GALNTL6: variants seen among roughly 807,000 people sequenced by gnomAD.
GALNTL6 encodes the protein polypeptide N-acetylgalactosaminyltransferase-like 6.
Under a neutral mutation model 73.7 loss-of-function variants are expected in GALNTL6, and 46 were observed. The ratio of observed to expected loss-of-function variants is 0.62; its 90% CI spans 0.49 to 0.80. The LOEUF is 0.80. Ranked by LOEUF, GALNTL6 falls within the 30% of genes least tolerant of loss-of-function variation. The probability of loss-of-function intolerance (pLI) is 0.00; values close to 1 mark genes in which losing one functional copy is unlikely to be tolerated. For missense variants in GALNTL6, 604 were observed against 755.0 expected, an observed-to-expected ratio of 0.80 and a Z score of 2.34; for synonymous variants, 259 against 263.7, an observed-to-expected ratio of 0.98 and a Z score of 0.17.
chr4:171,899,261 T>C (rs1737011206), intron 2 of GALNTL6, among the ~76,000 whole-genome samples: 1 of 152,088 alleles, frequency 6.6e-6, no homozygotes, highest in African/African-American at 2.4e-5. Flanking sequence ...CCCAAGGTGG[T>C]TACCCCTAAT....
intron 10 of GALNTL6, among the ~76,000 whole-genome samples, chr4:172,962,302 G>C (rs1469519005): frequency 6.6e-6 from 1 of 152,218 alleles, no homozygotes; most frequent in Non-Finnish European, 1.5e-5. Context: ...CTTTGGCTCA[G>C]AGGCCTGACA....
intron 5 of GALNTL6, among the ~76,000 whole-genome samples, chr4:172,683,264 G>C (rs995506998): frequency 3.3e-5 from 5 of 152,146 alleles, no homozygotes; most frequent in African/African-American, 7.2e-5. Flanking sequence ...GTAGTCAGTG[G>C]TCATAGAACA....
At chr4:172,599,407 A>C (rs1475624394) in intron 5 of GALNTL6, among the ~76,000 whole-genome samples, 1 of 152,146 alleles carries the variant, frequency 6.6e-6, no homozygotes, top group African/African-American at 2.4e-5. Context: ...AAACGACTTG[A>C]TTGGTCTAAC....
chr4:172,921,615 G>A (rs894400810), intron 8 of GALNTL6, among the ~76,000 whole-genome samples: 5 of 152,030 alleles, frequency 3.3e-5, no homozygotes, highest in Admixed American at 1.3e-4. Flanking sequence ...AGCCAACATG[G>A]TGAAACCTGT....
intron 5 of GALNTL6, among the ~76,000 whole-genome samples, chr4:172,648,663 T>C (rs1740348060): frequency 6.6e-6 from 1 of 152,166 alleles, no homozygotes; most frequent in African/African-American, 2.4e-5. Flanking sequence ...TGCTGAGTCA[T>C]CAGGAAGCCA....
At chr4:172,064,653 C>T (rs1731304842) in intron 2 of GALNTL6, among the ~76,000 whole-genome samples, 1 of 152,046 alleles carries the variant, frequency 6.6e-6, no homozygotes, top group East Asian at 1.9e-4. Flanking sequence ...ATGGGATTGC[C>T]CCCTCCTTGT....
In GALNTL6 at chr4:172,864,544, T is replaced by C. The variant is rs530047393; in HGVS notation, c.924-18246T>C. ...TTTTCATGTGGGTCCATTCTGCTTATATAACAGTTTGCTGTTTCCCTTGGA... is the reference window on the plus strand; with the variant it reads ...TTTTCATGTGGGTCCATTCTGCTTACATAACAGTTTGCTGTTTCCCTTGGA... On this transcript the variant is annotated intron_variant, in intron 7 of 12. Coordinates refer to ENST00000506823, the MANE Select transcript of GALNTL6 (RefSeq NM_001034845.3). 4.1e-4 allele frequency among the ~76,000 whole-genome samples: 62 copies of C among 152,364 alleles called. 1 individual carries two copies. The highest frequency in any genetic ancestry group is 1.4e-3 in the African/African-American group (58 of 41,590).
intron 4 of GALNTL6, among the ~76,000 whole-genome samples, chr4:172,314,732 C>T (rs1307074536): frequency 6.6e-6 from 1 of 151,130 alleles, no homozygotes; most frequent in African/African-American, 2.4e-5. Flanking sequence ...CTCAGCCTCC[C>T]GAGTAGCTGA....
intron 2 of GALNTL6, among the ~76,000 whole-genome samples, chr4:172,093,404 A>C (rs1732261835): frequency 6.6e-6 from 1 of 152,148 alleles, no homozygotes; most frequent in African/African-American, 2.4e-5. Context: ...TTTAACAAAA[A>C]CCACATCCTC....
chr4:172,296,364 G>A (rs866808458), intron 3 of GALNTL6, among the ~76,000 whole-genome samples: 1 of 151,876 alleles, frequency 6.6e-6, no homozygotes, highest in Non-Finnish European at 1.5e-5. Flanking sequence ...GATTCAATTT[G>A]CTGATTTTTT....
chr4:172,842,392 T>C (rs1056077900), intron 7 of GALNTL6, among the ~76,000 whole-genome samples: 7 of 152,168 alleles, frequency 4.6e-5, no homozygotes, highest in African/African-American at 1.7e-4. Context: ...TTAAACAGAA[T>C]TATTCTCTGT....
At chr4:172,579,836 G>T (rs1026058910) in intron 5 of GALNTL6, among the ~76,000 whole-genome samples, 1 of 78,830 alleles carries the variant, frequency 1.3e-5, no homozygotes, top group Non-Finnish European at 3.4e-5. Context: ...GAAGGAAGGA[G>T]GGAAGGAAGG....
chr4:172,631,570 A>C (rs1739398234), intron 5 of GALNTL6, among the ~76,000 whole-genome samples: 1 of 152,220 alleles, frequency 6.6e-6, no homozygotes, highest in South Asian at 2.1e-4. Flanking sequence ...ACTCGATCTC[A>C]TAGTTCTATT....
At chr4:172,677,885 T>C (rs1405760620) in intron 5 of GALNTL6, among the ~76,000 whole-genome samples, 1 of 151,234 alleles carries the variant, frequency 6.6e-6, no homozygotes, top group Admixed American at 6.6e-5. Context: ...AAAAAAAAAA[T>C]TCCGAAGCAG....
intron 2 of GALNTL6, among the ~76,000 whole-genome samples, chr4:171,875,611 T>A (rs1258894935): frequency 6.6e-6 from 1 of 152,050 alleles, no homozygotes; most frequent in African/African-American, 2.4e-5. Context: ...TTCTTATGTA[T>A]CTCTTAGAAT....
intron 10 of GALNTL6, among the ~76,000 whole-genome samples, chr4:172,981,640 G>A (rs889534603): frequency 2.0e-5 from 3 of 151,926 alleles, no homozygotes; most frequent in East Asian, 1.9e-4. Context: ...TGAACCTTTC[G>A]ACTTTGTTCT....
At chr4:172,985,151 C>G (rs1751236112) in intron 10 of GALNTL6, among the ~76,000 whole-genome samples, 1 of 151,984 alleles carries the variant, frequency 6.6e-6, no homozygotes, top group South Asian at 2.1e-4. Flanking sequence ...TGAGATGAGT[C>G]TGGATTCGAG....
intron 5 of GALNTL6, among the ~76,000 whole-genome samples, chr4:172,802,724 A>T (rs911861692): frequency 5.3e-5 from 8 of 152,096 alleles, no homozygotes; most frequent in Non-Finnish European, 1.2e-4. Context: ...AATCGCTTGA[A>T]CCTGGGAGGT....
At chr4:172,309,335 C>T (rs2111139775) in intron 3 of GALNTL6, among the ~76,000 whole-genome samples, 1 of 151,836 alleles carries the variant, frequency 6.6e-6, no homozygotes, top group Non-Finnish European at 1.5e-5. Flanking sequence ...ATCTTGAATT[C>T]TAGTAATACA....
Sources: gnomAD v4.1 joint callset for allele counts (sites outside exome capture counted in the v4.1 genomes callset) on GRCh38, gnomAD v4.1.1 for gene constraint, MANE v1.5 for transcripts, NCBI Gene and HGNC (gene_info 2026-07-23, HGNC 2026-07-21) for gene names.